The following SGCZ variants were observed in gnomAD, a reference collection of about 807,000 sequenced individuals.
SGCZ encodes sarcoglycan zeta, also known as zeta-sarcoglycan.
Under a neutral mutation model 41.3 loss-of-function variants are expected in SGCZ, and 40 were observed. The observed-to-expected ratio is 0.97, with a 90% CI of 0.75 to 1.26. The LOEUF (loss-of-function observed/expected upper bound fraction) is 1.26, where lower values mean the gene tolerates loss of function less well. SGCZ is among the 50% of genes most tolerant of loss of function. The pLI, the probability that SGCZ is intolerant of heterozygous loss-of-function variation, is 0.00. For missense variants in SGCZ, 552 were observed against 369.8 expected (o/e 1.49, Z -4.04); for synonymous variants, 206 against 137.5 (o/e 1.50, Z -3.49).
intron 1 of SGCZ, among the ~76,000 whole-genome samples, chr8:14,861,190 C>G (rs943384734): frequency 6.6e-6 from 1 of 152,150 alleles, no homozygotes; most frequent in Non-Finnish European, 1.5e-5. Flanking sequence ...TTCTAAGAAA[C>G]ATAAATGACC....
intron 1 of SGCZ, among the ~76,000 whole-genome samples, chr8:14,727,642 C>T (rs1810100631): frequency 6.6e-6 from 1 of 151,842 alleles, no homozygotes; most frequent in Non-Finnish European, 1.5e-5. Flanking sequence ...TCCCGAGTAG[C>T]TGGGACTACA....
chr8:14,214,528 T>C (rs1805925004), intron 4 of SGCZ, among the ~76,000 whole-genome samples: 1 of 152,168 alleles, frequency 6.6e-6, no homozygotes. Context: ...CTAGTTTTAC[T>C]ATAAGTCTGC....
chr8:15,201,100 T>C (rs377346686), intron 1 of SGCZ, among the ~76,000 whole-genome samples: 7 of 152,292 alleles, frequency 4.6e-5, no homozygotes, highest in African/African-American at 1.7e-4. Context: ...CACTGCAACC[T>C]CCGCCTCCCA....
At chr8:14,465,561 G>C (rs1801025008) in intron 2 of SGCZ, among the ~76,000 whole-genome samples, 1 of 151,526 alleles carries the variant, frequency 6.6e-6, no homozygotes. Context: ...ATGCCTTGTA[G>C]CTTTTGGGTC....
Position 14,209,521 on chromosome 8 carries a change from A to T in SGCZ, c.424+28071T>A, listed in dbSNP as rs549371744. Among the ~76,000 whole-genome samples, 3 of 152,244 alleles carry T rather than the reference A, an allele frequency of 2.0e-5. No individual in the cohort carries two copies. In the South Asian group the frequency reaches 6.2e-4, roughly 32 times the overall value. On this transcript the variant is annotated intron_variant, in intron 4 of 7. Transcript: ENST00000382080. Reference sequence around the variant, plus strand: ...AGAGTACATTTCCTATTACATAAGAAGTGCTTAATAATTTACAGAATAACC... The same window carrying T: ...AGAGTACATTTCCTATTACATAAGATGTGCTTAATAATTTACAGAATAACC...
chr8:15,121,796 G>A (rs1585585496), intron 1 of SGCZ, among the ~76,000 whole-genome samples: 1 of 148,162 alleles, frequency 6.7e-6, no homozygotes, highest in East Asian at 2.0e-4. Flanking sequence ...GCATGGTTTT[G>A]AAAACAGTGC....
At chr8:15,193,071 G>T (rs1478259391) in intron 1 of SGCZ, among the ~76,000 whole-genome samples, 3 of 151,992 alleles carry the variant, frequency 2.0e-5, no homozygotes, top group African/African-American at 7.3e-5. Flanking sequence ...GGAAATGAGG[G>T]TATAGTTGTC....
intron 1 of SGCZ, among the ~76,000 whole-genome samples, chr8:14,977,665 G>A (rs1801521804): frequency 6.6e-6 from 1 of 151,850 alleles, no homozygotes; most frequent in Admixed American, 6.6e-5. Flanking sequence ...TACACCACAA[G>A]AACACCAAAG....
At chr8:15,205,880 A>C (rs1218366996) in intron 1 of SGCZ, among the ~76,000 whole-genome samples, 1 of 152,234 alleles carries the variant, frequency 6.6e-6, no homozygotes, top group Non-Finnish European at 1.5e-5. Context: ...CATAAATGAC[A>C]GATGAGATGG....
At chr8:14,505,370 C>T (rs10094764) in intron 2 of SGCZ, among the ~76,000 whole-genome samples, 10,823 of 152,032 alleles carry the variant, frequency 0.071, 589 homozygotes, top group African/African-American at 0.15. Flanking sequence ...CAGAGTGCTT[C>T]CCATTTTATA....
chr8:15,020,374 G>T (rs1241965952), intron 1 of SGCZ, among the ~76,000 whole-genome samples: 1 of 152,072 alleles, frequency 6.6e-6, no homozygotes, highest in Admixed American at 6.6e-5. Flanking sequence ...ACAGGAACAG[G>T]CTCGTGCAGC....
intron 1 of SGCZ, among the ~76,000 whole-genome samples, chr8:14,924,805 G>T (rs1799696088): frequency 6.9e-6 from 1 of 145,146 alleles, no homozygotes; most frequent in Non-Finnish European, 1.5e-5. Context: ...CATTATCATT[G>T]TTTTACGTTT....
rs141000388 is a variant in SGCZ, at chr8:14,412,204, C to G, written c.235-88000G>C. On this transcript the variant is annotated intron_variant, in intron 2 of 7. Coordinates refer to ENST00000382080, the MANE Select transcript of SGCZ (RefSeq NM_139167.4). ...TTAGTCTCACAGACCGGAATGCAAACCTTAACTCTATGATATTGAGAAAAG... is the reference window on the plus strand; with the variant it reads ...TTAGTCTCACAGACCGGAATGCAAAGCTTAACTCTATGATATTGAGAAAAG... Among the ~76,000 whole-genome samples, 260 of 152,092 alleles carry G rather than the reference C, an allele frequency of 1.7e-3. 4 individuals are homozygous for G. In the East Asian group the frequency reaches 0.035, roughly 20 times the overall value.
chr8:14,444,741 C>T (rs968393109), intron 2 of SGCZ, among the ~76,000 whole-genome samples: 6 of 151,798 alleles, frequency 4.0e-5, no homozygotes, highest in Non-Finnish European at 5.9e-5. Flanking sequence ...GCAGCACACC[C>T]GCATGGCACA....
At chr8:14,691,489 A>G (rs1361768072) in intron 1 of SGCZ, among the ~76,000 whole-genome samples, 2 of 152,102 alleles carry the variant, frequency 1.3e-5, no homozygotes, top group African/African-American at 4.8e-5. Flanking sequence ...CGTCTAAGTA[A>G]CCTAATTTAT....
At chr8:14,356,794 G>A (rs1803312649) in intron 2 of SGCZ, among the ~76,000 whole-genome samples, 1 of 151,708 alleles carries the variant, frequency 6.6e-6, no homozygotes, top group African/African-American at 2.4e-5. Flanking sequence ...TACTAGGTAG[G>A]GCCAATAACC....
chr8:14,951,242 T>C (rs1440252740), intron 1 of SGCZ, among the ~76,000 whole-genome samples: 1 of 152,008 alleles, frequency 6.6e-6, no homozygotes, highest in Non-Finnish European at 1.5e-5. Context: ...ATTAATTTCA[T>C]GTAAAATAAT....
At chr8:15,169,082 G>A (rs546426024) in intron 1 of SGCZ, among the ~76,000 whole-genome samples, 1 of 152,270 alleles carries the variant, frequency 6.6e-6, no homozygotes, top group African/African-American at 2.4e-5. Flanking sequence ...TCAAACTCTA[G>A]TCATGCAACC....
chr8:14,632,224 T>C (rs541467394), intron 1 of SGCZ, among the ~76,000 whole-genome samples: 4 of 152,100 alleles, frequency 2.6e-5, no homozygotes, highest in Non-Finnish European at 5.9e-5. Flanking sequence ...GGTCTCCCTA[T>C]GTTGCCCACG....
Sources: gnomAD v4.1 joint callset for allele counts (sites outside exome capture counted in the v4.1 genomes callset) on GRCh38, gnomAD v4.1.1 for gene constraint, MANE v1.5 for transcripts, NCBI Gene and HGNC (gene_info 2026-07-23, HGNC 2026-07-21) for gene names.